The following DCAF4L2 variants were observed in gnomAD, a reference collection of about 807,000 sequenced individuals.
DCAF4L2 encodes DDB1 and CUL4 associated factor 4 like 2.
Under a neutral mutation model 15.5 loss-of-function variants are expected in DCAF4L2, and 13 were observed. The observed-to-expected ratio is 0.84, with a 90% CI of 0.54 to 1.33. DCAF4L2 has a LOEUF of 1.33. Ranked by LOEUF, DCAF4L2 falls within the 40% of genes most tolerant of loss-of-function variation. The pLI, the probability that DCAF4L2 is intolerant of heterozygous loss-of-function variation, is 0.00. For synonymous variants in DCAF4L2, 251 were observed against 207.0 expected, an observed-to-expected ratio of 1.21 and a Z score of -1.83; for missense variants, 519 against 509.6, an observed-to-expected ratio of 1.02 and a Z score of -0.18.
rs774182518 is a variant in DCAF4L2 at position 87,873,500 on chromosome 8, G to C, written c.472C>G (p.Leu158Val). 1.9e-6 allele frequency: 3 copies of C among 1,614,224 alleles called. No individual in the cohort carries two copies. The highest frequency in any genetic ancestry group is 2.5e-6 in the Non-Finnish European group (3 of 1,180,046). Residue 158 changes from leucine to valine, a missense_variant, in exon 1 of 1, where the codon CTG becomes GTG. Coordinates refer to ENST00000319675, the MANE Select transcript of DCAF4L2 (RefSeq NM_152418.4). Reference sequence around the variant, plus strand: ...CCTATGAACAGCGACGCTGGGAGCAGCACGGCACAGCTTGGAGTATCTGCA... The same window carrying C: ...CCTATGAACAGCGACGCTGGGAGCACCACGGCACAGCTTGGAGTATCTGCA... ...GLADTPSCAVLLPASLFIGSF... is the reference protein window; with the variant it reads ...GLADTPSCAVVLPASLFIGSF...
chr8:87,873,453 C>G lies in DCAF4L2; in HGVS notation c.519G>C (p.Arg173=). 3 of 1,614,206 alleles carry G rather than the reference C, an allele frequency of 1.9e-6. No homozygotes were observed. Among genetic ancestry groups the G allele is most frequent in the Non-Finnish European group, 2.5e-6 (3 of 1,180,038 alleles). ...LFIGSFPGMR[R]PGMLCSFQIP... is the part of the protein sequence containing the mutation. ...TCTGGAAACTGCAAAGCATGCCAGGCCGACGCATTCCTGGGAAGCTACCTA... is the reference window on the plus strand; with the variant it reads ...TCTGGAAACTGCAAAGCATGCCAGGGCGACGCATTCCTGGGAAGCTACCTA... Residue 173 remains arginine, a synonymous_variant, in exon 1 of 1, where the codon CGG becomes CGC. Coordinates refer to ENST00000319675, the MANE Select transcript of DCAF4L2 (RefSeq NM_152418.4).
chr8:87,873,495 G>C lies in DCAF4L2; in HGVS notation c.477C>G (p.Leu159=). ...LADTPSCAVL[L]PASLFIGSFP... ...AGCTACCTATGAACAGCGACGCTGG[G>C]AGCAGCACGGCACAGCTTGGAGTAT... The change falls in exon 1 of 1, where the codon CTC becomes CTG. Residue 159 remains leucine (L), a synonymous_variant. Coordinates refer to ENST00000319675, the MANE Select transcript of DCAF4L2 (RefSeq NM_152418.4). 2.5e-6 allele frequency: 4 copies of C among 1,614,222 alleles called. No individual in the cohort carries two copies. Among genetic ancestry groups the C allele is most frequent in the Non-Finnish European group, 3.4e-6 (4 of 1,180,044 alleles).
rs1295826650 is a variant in DCAF4L2 at position 87,873,689 on chromosome 8, C to T, written c.283G>A (p.Gly95Arg). 1.2e-6 allele frequency: 2 copies of T among 1,614,090 alleles called. No homozygotes were observed. The highest frequency in any genetic ancestry group is 4.5e-5 in the East Asian group (2 of 44,890). ...GTGATGATGCCGTACTTGGAGCCTC[C>T]AGCTTCGACTTGGTTCACTGTGAAG... is the stretch of plus-strand genomic sequence containing the variant. ...QLFTVNQVEA[G>R]GSKYGIITMR... Residue 95 changes from glycine to arginine, a missense_variant, in exon 1 of 1, where the codon GGA becomes AGA. Coordinates refer to ENST00000319675, the MANE Select transcript of DCAF4L2 (RefSeq NM_152418.4).
At position 87,872,522 on chromosome 8, in the gene DCAF4L2, G is replaced by GA. The variant is rs1563480243; in HGVS notation, c.*261_*262insT. 1.7e-5 allele frequency: 5 copies of GA among 291,208 alleles called. No individual in the cohort carries two copies. The highest frequency in any genetic ancestry group is 1.1e-4 in the African/African-American group (5 of 45,240). The allele number at this position is 291,208 out of a possible 1,614,324, so 18.0% of individuals were successfully genotyped here. The stretch of plus-strand genomic sequence containing the variant: ...TTGTTAAAAAAAAAAAAAAAGGGGG[G>GA]GATAACTATTCTAAGGTATTCAACA... On this transcript the variant is annotated 3_prime_UTR_variant, in exon 1 of 1. Transcript: ENST00000319675.
In DCAF4L2 at chr8:87,872,822, C is replaced by T. The variant is rs1809423075; in HGVS notation, c.1150G>A (p.Ala384Thr). Residue 384 changes from alanine to threonine, a missense_variant, in exon 1 of 1, where the codon GCT becomes ACT. Transcript: ENST00000319675. Reference protein sequence around the residue: ...GFRGAPGLLMAVREDLYCFSY... With the variant: ...GFRGAPGLLMTVREDLYCFSY... ...AAACAATAAAGGTCCTCCCGGACAG[C>T]CATGAGCAGCCCTGGTGCTCCTCGG... is the stretch of plus-strand genomic sequence containing the variant. 1 of 1,609,020 alleles carries T rather than the reference C, an allele frequency of 6.2e-7. No individual in the cohort carries two copies.
chr8:87,874,010 T>G lies in DCAF4L2; in HGVS notation c.-39A>C. Reference sequence around the variant, plus strand: ...TGTTCTCCCTCCTGAGGGGAAGTTCTGTCCCGGGAGTAAGAGGAAGTACCG... The same window carrying G: ...TGTTCTCCCTCCTGAGGGGAAGTTCGGTCCCGGGAGTAAGAGGAAGTACCG... On this transcript the variant is annotated 5_prime_UTR_variant, in exon 1 of 1. Transcript: ENST00000319675. The G allele has an allele frequency of 6.3e-7, 1 of 1,595,106 alleles. No individual in the cohort carries two copies. The highest frequency in any genetic ancestry group is 8.6e-7 in the Non-Finnish European group (1 of 1,169,562).
chr8:87,872,903 G>T lies in DCAF4L2; in HGVS notation c.1069C>A (p.Pro357Thr). 6.2e-7 allele frequency: 1 copy of T among 1,614,162 alleles called. No individual in the cohort carries two copies. The highest frequency in any genetic ancestry group is 8.5e-7 in the Non-Finnish European group (1 of 1,180,026). Reference protein sequence around the residue: ...HLLTTIPSPYPASENDIPSVA... With the variant: ...HLLTTIPSPYTASENDIPSVA... ...CTGGGAATGTCGTTCTCCGAGGCGG[G>T]GTATGGGGAGGGTATGGTTGTGAGC... is the stretch of plus-strand genomic sequence containing the variant. The change falls in exon 1 of 1, where the codon CCC becomes ACC. Residue 357 changes from proline (P) to threonine (T), a missense_variant. Physicochemically the swap from Pro to Thr is conservative, Grantham distance 38 (BLOSUM62 -1). Transcript: ENST00000319675.
rs571031090 is a variant in DCAF4L2 at position 87,872,587 on chromosome 8, A to G, written c.*197T>C. The G allele has an allele frequency of 1.6e-3, 792 of 486,056 alleles. 3 individuals carry two copies. Among genetic ancestry groups the G allele is most frequent in the South Asian group, 3.7e-3 (69 of 18,878 alleles). The allele number at this position is 486,056 out of a possible 1,614,324, so 30.1% of individuals were successfully genotyped here. On this transcript the variant is annotated 3_prime_UTR_variant, in exon 1 of 1. Coordinates refer to ENST00000319675, the MANE Select transcript of DCAF4L2 (RefSeq NM_152418.4). Reference sequence around the variant, plus strand: ...TTATCTTTTATGAAAAGGACTTTCAAGCTCTCTCAGCCCAGTTTAACTGAA... The same window carrying G: ...TTATCTTTTATGAAAAGGACTTTCAGGCTCTCTCAGCCCAGTTTAACTGAA...
chr8:87,872,953 A>C lies in DCAF4L2; in HGVS notation c.1019T>G (p.Ile340Ser). The change falls in exon 1 of 1, where the codon ATC becomes AGC. Residue 340 changes from isoleucine (I) to serine (S), a missense_variant. Transcript: ENST00000319675. ...CAGGTGGCCATGACGGAGGCTCCAG[A>C]TTCTCGTGTAGCAGTCCTGGCCCAC... is the stretch of plus-strand genomic sequence containing the variant. ...AAVGQDCYTR[I>S]WSLRHGHLLT... 6.2e-7 allele frequency: 1 copy of C among 1,614,144 alleles called. No individual in the cohort carries two copies. The highest frequency in any genetic ancestry group is 2.2e-5 in the East Asian group (1 of 44,870).
rs749646973 is a variant in DCAF4L2, at chr8:87,873,649, G to A, written c.323C>T (p.Thr108Met). The part of the protein sequence containing the change: ...KYGIITMRGL[T>M]TPELRVYPHK... Reference sequence around the variant, plus strand: ...CGGGTATACCCGGAGCTCAGGGGTCGTCAGGCCTCGCATGGTGATGATGCC... The same window carrying A: ...CGGGTATACCCGGAGCTCAGGGGTCATCAGGCCTCGCATGGTGATGATGCC... Residue 108 changes from threonine to methionine, a missense_variant, in exon 1 of 1, where the codon ACG becomes ATG. Transcript: ENST00000319675. The A allele has an allele frequency of 1.2e-6, 2 of 1,614,190 alleles. No homozygotes were observed. The highest frequency in any genetic ancestry group is 1.7e-6 in the Non-Finnish European group (2 of 1,180,034).
At position 87,872,664 on chromosome 8, in the gene DCAF4L2, C is replaced by T. The variant is rs1464168369; in HGVS notation, c.*120G>A. 2 of 1,069,686 alleles carry T rather than the reference C, an allele frequency of 1.9e-6. No homozygotes were observed. The highest frequency in any genetic ancestry group is 1.3e-6 in the Non-Finnish European group (1 of 766,756). 66.3% of individuals were successfully genotyped at this position (1,069,686 alleles called of 1,614,324 possible). On this transcript the variant is annotated 3_prime_UTR_variant, in exon 1 of 1. Transcript: ENST00000319675. ...AAAACAGCACCTTACCCCTAGCAGC[C>T]GGATGGATGGGATCTACAAACACCG...
rs1441772149 is a variant in DCAF4L2, at chr8:87,872,868, G to A, written c.1104C>T (p.Phe368=). 1.2e-6 allele frequency: 2 copies of A among 1,614,058 alleles called. No homozygotes were observed. The highest frequency in any genetic ancestry group is 1.7e-6 in the Non-Finnish European group (2 of 1,180,024). The change falls in exon 1 of 1, where the codon TTC becomes TTT. Residue 368 remains phenylalanine, a synonymous_variant. Transcript: ENST00000319675. ...CTCGGAAGCCCCCGAGGCGAGAAGA[G>A]AAGGCCACACTGGGAATGTCGTTCT... ...ASENDIPSVA[F]SSRLGGFRGA...
rs1281470091 is a variant in DCAF4L2 at position 87,872,724 on chromosome 8, T to A, written c.*60A>T. On this transcript the variant is annotated 3_prime_UTR_variant, in exon 1 of 1. Coordinates refer to ENST00000319675, the MANE Select transcript of DCAF4L2 (RefSeq NM_152418.4). ...TAAAATGCGCTCATAGAAACGGTAA[T>A]ACGATGCTCTTTACTTCTTTAAGTC... The A allele has an allele frequency of 3.4e-6, 5 of 1,485,902 alleles. 1 individual carries two copies. The African/African-American group carries it at 7.1e-5, about 21-fold the overall frequency. 92.0% of individuals were successfully genotyped at this position (1,485,902 alleles called of 1,614,324 possible). A position where few individuals can be genotyped will look rare whatever the true frequency, so the allele number is the denominator to read the frequency against.
rs747563111 is a variant in DCAF4L2, at chr8:87,873,021, G to A, written c.951C>T (p.Tyr317=). Residue 317 remains tyrosine (Y), a synonymous_variant, in exon 1 of 1, where the codon TAC becomes TAT. Transcript: ENST00000319675. ...QYEGHVNNSA[Y]LPVHVNEEEG... is the part of the protein sequence containing the mutation. ...CTTCTTCGTTCACATGCACGGGTAG[G>A]TAGGCGGAGTTATTCACATGACCTT... 2.5e-6 allele frequency: 4 copies of A among 1,614,218 alleles called. No homozygotes were observed. Among genetic ancestry groups the A allele is most frequent in the Non-Finnish European group, 3.4e-6 (4 of 1,180,046 alleles).
Position 87,873,887 on chromosome 8 carries a change from G to T in DCAF4L2, c.85C>A (p.Leu29Ile). 6.2e-7 allele frequency: 1 copy of T among 1,614,124 alleles called. No individual in the cohort carries two copies. Among genetic ancestry groups the T allele is most frequent in the South Asian group, 1.1e-5 (1 of 91,086 alleles). Reference sequence around the variant, plus strand: ...AGGAAACCTAGCTGGTTCTTTCGTAGCATGGAAGGTGCATTGAGTCCCACT... The same window carrying T: ...AGGAAACCTAGCTGGTTCTTTCGTATCATGGAAGGTGCATTGAGTCCCACT... ...VRVGLNAPSMLRKNQLGFLRF... is the reference protein window; with the variant it reads ...VRVGLNAPSMIRKNQLGFLRF... Residue 29 changes from leucine (L) to isoleucine (I), a missense_variant, in exon 1 of 1, where the codon CTA becomes ATA. Coordinates refer to ENST00000319675, the MANE Select transcript of DCAF4L2 (RefSeq NM_152418.4).
rs887498517 is a variant in DCAF4L2 at position 87,871,235 on chromosome 8, TC to T, written c.*1548del. ...CCTAAAATTTTTTCACCTCAAATCC[TC>T]CCCATTTTAGTAAATGACACCAACC... On this transcript the variant is annotated 3_prime_UTR_variant, in exon 1 of 1. Coordinates refer to ENST00000319675, the MANE Select transcript of DCAF4L2 (RefSeq NM_152418.4). 1 of 152,202 alleles carries T rather than the reference TC, an allele frequency of 6.6e-6. No individual in the cohort carries two copies. The highest frequency in any genetic ancestry group is 1.5e-5 in the Non-Finnish European group (1 of 67,978). 9.4% of individuals were successfully genotyped at this position (152,202 alleles called of 1,614,324 possible). A position where few individuals can be genotyped will look rare whatever the true frequency, so the allele number is the denominator to read the frequency against.
Position 87,873,251 on chromosome 8 carries a change from T to TA in DCAF4L2, c.720dup (p.Asn241Ter). On this transcript the variant is annotated frameshift_variant, in exon 1 of 1. Transcript: ENST00000319675. LOFTEE classifies it high-confidence loss of function. ...AAGATCTCCCCAGAGCGACAGCCAT[T>TA]AAACAGCAAAGGAGTCATGATTGCA... 1 of 1,614,092 alleles carries TA rather than the reference T, an allele frequency of 6.2e-7. No homozygotes were observed. The highest frequency in any genetic ancestry group is 8.5e-7 in the Non-Finnish European group (1 of 1,180,016).
chr8:87,872,823 C>G lies in DCAF4L2; in HGVS notation c.1149G>C (p.Met383Ile), dbSNP rs757155614. The change falls in exon 1 of 1, where the codon ATG becomes ATC. Residue 383 changes from methionine (M) to isoleucine (I), a missense_variant. Physicochemically the swap from Met to Ile is conservative, Grantham distance 10 (BLOSUM62 1). Coordinates refer to ENST00000319675, the MANE Select transcript of DCAF4L2 (RefSeq NM_152418.4). ...AACAATAAAGGTCCTCCCGGACAGC[C>G]ATGAGCAGCCCTGGTGCTCCTCGGA... ...GGFRGAPGLL[M>I]AVREDLYCFS... 1 of 1,609,986 alleles carries G rather than the reference C, an allele frequency of 6.2e-7. No individual in the cohort carries two copies. The highest frequency in any genetic ancestry group is 8.5e-7 in the Non-Finnish European group (1 of 1,177,926).
In DCAF4L2 at chr8:87,873,729, G is replaced by C; in HGVS notation, c.243C>G (p.Thr81=). The C allele has an allele frequency of 1.2e-6, 2 of 1,614,184 alleles. No homozygotes were observed. The highest frequency in any genetic ancestry group is 1.7e-6 in the Non-Finnish European group (2 of 1,180,036). Residue 81 remains threonine (T), a synonymous_variant, in exon 1 of 1, where the codon ACC becomes ACG. Coordinates refer to ENST00000319675, the MANE Select transcript of DCAF4L2 (RefSeq NM_152418.4). ...TCACTGTGAAGAGCTGGTCAGTGTT[G>C]GTATTCGCCAGTATGCGGTTAAATC... ...SDRFNRILAN[T]NTDQLFTVNQ...
Sources: gnomAD v4.1 joint callset for allele counts on GRCh38, gnomAD v4.1.1 for gene constraint, MANE v1.5 for transcripts, NCBI Gene and HGNC (gene_info 2026-07-23, HGNC 2026-07-21) for gene names.